The following HACD3 variants were observed in gnomAD, a reference collection of about 807,000 sequenced individuals.
The protein encoded by HACD3 is 3-hydroxyacyl-CoA dehydratase 3.
Under a neutral mutation model 55.2 loss-of-function variants are expected in HACD3, and 30 were observed. The ratio of observed to expected loss-of-function variants is 0.54; its 90% confidence interval spans 0.41 to 0.74. The LOEUF is 0.74. Ranked by LOEUF, HACD3 falls within the 30% of genes least tolerant of loss-of-function variation. The probability of loss-of-function intolerance (pLI) is 0.00; values close to 1 mark genes in which losing one functional copy is unlikely to be tolerated. For synonymous variants in HACD3, 141 were observed against 151.7 expected (o/e 0.93, Z 0.52); for missense variants, 363 against 440.1 (o/e 0.82, Z 1.57).
Position 65,530,494 on chromosome 15 carries a change from G to A in HACD3, c.-138G>A, listed in dbSNP as rs1010434538. On this transcript the variant is annotated 5_prime_UTR_variant, in exon 1 of 11. Coordinates refer to ENST00000261875, the MANE Select transcript of HACD3 (RefSeq NM_016395.4). ...GCGCAGGCGCGGCCCGCGAGCGTGG[G>A]GTATCTCGAGGTGCCGGGTTGCAGG... The A allele has an allele frequency of 4.4e-6, 3 of 683,790 alleles. No individual in the cohort carries two copies. Among genetic ancestry groups the A allele is most frequent in the Non-Finnish European group, 4.5e-6 (2 of 439,662 alleles). 42.4% of individuals were successfully genotyped at this position (683,790 alleles called of 1,614,324 possible).
chr15:65,540,112 T>C (rs2072005859), intron 1 of HACD3, among the ~76,000 whole-genome samples: 1 of 152,234 alleles, frequency 6.6e-6, no homozygotes, highest in South Asian at 2.1e-4. Flanking sequence ...ATGTTAGATA[T>C]AGTGGTGTTT....
At chr15:65,542,853 A>C (rs2072034725) in intron 1 of HACD3, among the ~76,000 whole-genome samples, 1 of 152,122 alleles carries the variant, frequency 6.6e-6, no homozygotes. Context: ...AGGCGGGCAG[A>C]TGACGAGGTC....
In HACD3 at chr15:65,542,998, C is replaced by T. The variant is rs139083320; in HGVS notation, c.88-8678C>T. On this transcript the variant is annotated intron_variant, in intron 1 of 10. Coordinates refer to ENST00000261875, the MANE Select transcript of HACD3 (RefSeq NM_016395.4). ...CTGAGGCAGGAGAATCGCTTGAACC[C>T]AGGAGGCAGAGGTTGCAGTAAACCG... Among the ~76,000 whole-genome samples the T allele has an allele frequency of 7.5e-3, 1,124 of 150,182 alleles. 13 individuals carry two copies. The highest frequency in any genetic ancestry group is 0.026 in the African/African-American group (1,071 of 40,790).
intron 9 of HACD3, 80 bp downstream of exon 9, chr15:65,571,734 G>C (rs574203706): frequency 1.8e-6 from 2 of 1,082,366 alleles, no homozygotes; most frequent in African/African-American, 3.2e-5. Flanking sequence ...TTTCTTCCCC[G>C]GCCTTAGTCC....
chr15:65,545,919 T>C (rs2072072391), intron 1 of HACD3, among the ~76,000 whole-genome samples: 1 of 152,232 alleles, frequency 6.6e-6, no homozygotes, highest in Admixed American at 6.5e-5. Context: ...CCAGGCTTAC[T>C]CTTTGTAAGA....
chr15:65,574,472 T>G (rs1361696990), intron 10 of HACD3: 2 of 152,072 alleles, frequency 1.3e-5, no homozygotes, highest in Non-Finnish European at 2.9e-5. Flanking sequence ...CACAAAGGTA[T>G]GAAATAACAG....
chr15:65,530,645 T>A lies in HACD3; in HGVS notation c.14T>A (p.Val5Glu). The change falls in exon 1 of 11, where the codon GTG becomes GAG. Residue 5 changes from valine to glutamate, a missense_variant. Transcript: ENST00000261875. Reference protein sequence around the residue: MENQVLTPHVYWAQR... With the variant: MENQELTPHVYWAQR... ...GGCAGTGTGGCCATGGAGAATCAGG[T>A]GTTGACGCCGCATGTCTACTGGGCT... 1 of 1,579,024 alleles carries A rather than the reference T, an allele frequency of 6.3e-7. No homozygotes were observed. The highest frequency in any genetic ancestry group is 8.6e-7 in the Non-Finnish European group (1 of 1,163,562).
At position 65,570,060 on chromosome 15, in the gene HACD3, CT is replaced by C. The variant is rs751440375; in HGVS notation, c.661-25del. The stretch of plus-strand genomic sequence containing the variant: ...TATAACTTTACATATATTTTATTAA[CT>C]TTTTTCTCTCTTTTGGGTCTTTCTA... On this transcript the variant is annotated intron_variant, in intron 7 of 10. Transcript: ENST00000261875. 3.5e-6 allele frequency: 5 copies of C among 1,415,454 alleles called. No individual in the cohort carries two copies. The South Asian group carries it at 5.0e-5, about 14-fold the overall frequency. 87.7% of individuals were successfully genotyped at this position (1,415,454 alleles called of 1,614,324 possible).
In HACD3 at chr15:65,577,865, G is replaced by A. The variant is rs2072423894; in HGVS notation, c.*1486G>A. 1.3e-5 allele frequency: 2 copies of A among 152,606 alleles called. No individual in the cohort carries two copies. The highest frequency in any genetic ancestry group is 4.8e-5 in the African/African-American group (2 of 41,444). The allele number at this position is 152,606 out of a possible 1,614,324, so 9.5% of individuals were successfully genotyped here. ...CACAAAAAGGAGAACTGAAAATTTA[G>A]ACATACAGTTGGCCATTGTAAAAAA... On this transcript the variant is annotated 3_prime_UTR_variant, in exon 11 of 11. Coordinates refer to ENST00000261875, the MANE Select transcript of HACD3 (RefSeq NM_016395.4).
chr15:65,564,230 C>T lies in HACD3; in HGVS notation c.548C>T (p.Thr183Ile). 6.2e-7 allele frequency: 1 copy of T among 1,613,566 alleles called. No homozygotes were observed. The highest frequency in any genetic ancestry group is 1.1e-5 in the South Asian group (1 of 90,988). The change falls in exon 7 of 11, where the codon ACA (threonine) becomes ATA (isoleucine). Residue 183 changes from threonine (T) to isoleucine (I), a missense_variant. Physicochemically the swap from Thr to Ile is moderately conservative, Grantham distance 89. Transcript: ENST00000261875. ...CILGKESFYDTFHTVADMMYF... is the reference protein window; with the variant it reads ...CILGKESFYDIFHTVADMMYF... ...TTGCCTATAGAGTCCTTTTATGACACATTCCATACTGTGGCTGACATGATG... is the reference window on the plus strand; with the variant it reads ...TTGCCTATAGAGTCCTTTTATGACATATTCCATACTGTGGCTGACATGATG...
intron 1 of HACD3, among the ~76,000 whole-genome samples, chr15:65,543,022 C>T (rs1054813297): frequency 9.6e-5 from 14 of 145,446 alleles, no homozygotes; most frequent in African/African-American, 2.8e-4. Flanking sequence ...TGCAGTAAAC[C>T]GAGATCGTGC....
rs1457773958 is a variant in HACD3, at chr15:65,572,381, T to G, written c.1012+15T>G. 6.4e-7 allele frequency: 1 copy of G among 1,558,340 alleles called. No individual in the cohort carries two copies. The highest frequency in any genetic ancestry group is 1.4e-5 in the African/African-American group (1 of 72,612). ...GATATTTTTAGGTAAGTATTGATTC[T>G]TTAATACAGACTTTTTCTTGTCACT... On this transcript the variant is annotated intron_variant, in intron 10 of 10. Coordinates refer to ENST00000261875, the MANE Select transcript of HACD3 (RefSeq NM_016395.4).
intron 5 of HACD3, among the ~76,000 whole-genome samples, chr15:65,562,239 G>A (rs114271166): frequency 1.3e-5 from 2 of 152,332 alleles, no homozygotes; most frequent in African/African-American, 2.4e-5. Context: ...TCTGTGCAGT[G>A]TTCCCTCCTC....
At chr15:65,534,869 C>G (rs2071939541) in intron 1 of HACD3, among the ~76,000 whole-genome samples, 1 of 152,134 alleles carries the variant, frequency 6.6e-6, no homozygotes, top group Admixed American at 6.5e-5. Flanking sequence ...GTGTGCAGTT[C>G]AAGTGAGTGA....
chr15:65,551,803 G>C, intron 2 of HACD3, 85 bp downstream of exon 2: 1 of 1,510,542 alleles, frequency 6.6e-7, no homozygotes, highest in East Asian at 2.3e-5. Context: ...AAATGTATTT[G>C]TCTTACTTGT....
At chr15:65,574,755 T>C (rs2072384818) in intron 10 of HACD3, among the ~76,000 whole-genome samples, 1 of 152,226 alleles carries the variant, frequency 6.6e-6, no homozygotes, top group Non-Finnish European at 1.5e-5. Flanking sequence ...TATAATCCAT[T>C]TCAGAAATAT....
In HACD3 at chr15:65,570,139, G is replaced by A; in HGVS notation, c.709G>A (p.Glu237Lys). Residue 237 changes from glutamate to lysine, a missense_variant, in exon 8 of 11, where the codon GAA becomes AAA. Transcript: ENST00000261875. ...GTTTATCATCTTTGGCACCATGGAA[G>A]AAATGCAGAACAAAGCTGTGGTTTT... Reference protein sequence around the residue: ...ILFIIFGTMEEMQNKAVVFFV... With the variant: ...ILFIIFGTMEKMQNKAVVFFV... 1 of 1,613,150 alleles carries A rather than the reference G, an allele frequency of 6.2e-7. No individual in the cohort carries two copies. The highest frequency in any genetic ancestry group is 1.1e-5 in the South Asian group (1 of 90,916).
At chr15:65,567,098 G>A (rs1173096277) in intron 7 of HACD3, 1 of 152,112 alleles carries the variant, frequency 6.6e-6, no homozygotes, top group Admixed American at 6.6e-5. Context: ...TGAGGTAGGA[G>A]GATTGCTTGA....
Position 65,554,960 on chromosome 15 carries a change from G to A in HACD3, c.204G>A (p.Glu68=), listed in dbSNP as rs769076325. The change falls in exon 3 of 11, where the codon GAG becomes GAA. Residue 68 remains glutamate (E), a splice_region_variant and synonymous_variant. Transcript: ENST00000261875. ...AGTTCTTAGACCTTGTGAAACCAGAGGTATGTTCTTTCCTTTCTCACTTCC... is the reference window on the plus strand; with the variant it reads ...AGTTCTTAGACCTTGTGAAACCAGAAGTATGTTCTTTCCTTTCTCACTTCC... ...HLEFLDLVKP[E]PVYKLTQRQV... 2 of 1,600,380 alleles carry A rather than the reference G, an allele frequency of 1.2e-6. No individual in the cohort carries two copies. The highest frequency in any genetic ancestry group is 1.7e-6 in the Non-Finnish European group (2 of 1,167,686).
Sources: gnomAD v4.1 joint callset for allele counts (sites outside exome capture counted in the v4.1 genomes callset) on GRCh38, gnomAD v4.1.1 for gene constraint, MANE v1.5 for transcripts, NCBI Gene and HGNC (gene_info 2026-07-23, HGNC 2026-07-21) for gene names.